The following SCAMP1 variants were observed in gnomAD, a reference collection of about 807,000 sequenced individuals.
SCAMP1 encodes secretory carrier-associated membrane protein 1.
A neutral mutation model predicts 41.8 loss-of-function variants in SCAMP1; 15 were observed. The ratio of observed to expected loss-of-function variants is 0.36; its 90% CI spans 0.24 to 0.55. The LOEUF (loss-of-function observed/expected upper bound fraction) is 0.55. Ranked by LOEUF, SCAMP1 falls within the 20% of genes least tolerant of loss-of-function variation. The pLI, the probability that SCAMP1 is intolerant of heterozygous loss-of-function variation, is 0.86. For missense variants in SCAMP1, 341 were observed against 412.6 expected (o/e 0.83, Z 1.50); for synonymous variants, 135 against 136.8 (o/e 0.99, Z 0.09).
chr5:78,376,458 G>T (rs1751067868), intron 1 of SCAMP1, among the ~76,000 whole-genome samples: 1 of 152,128 alleles, frequency 6.6e-6, no homozygotes, highest in Admixed American at 6.6e-5. Flanking sequence ...CACACTGTAG[G>T]ATGTGTGTGA....
intron 1 of SCAMP1, among the ~76,000 whole-genome samples, chr5:78,366,471 T>C (rs1002648404): frequency 9.2e-5 from 14 of 152,230 alleles, no homozygotes; most frequent in Non-Finnish European, 1.5e-4. Context: ...ATAGGGATAT[T>C]AATCCCATTC....
At chr5:78,442,293 CAG>C (rs1392865343) in intron 6 of SCAMP1, among the ~76,000 whole-genome samples, 1 of 152,142 alleles carries the variant, frequency 6.6e-6, no homozygotes, top group African/African-American at 2.4e-5. Flanking sequence ...TGTTTTGAGA[CAG>C]AGTCTTTCTC....
Position 78,464,843 on chromosome 5 carries a change from A to T in SCAMP1, c.852+5481A>T, listed in dbSNP as rs140977004. ...CCATTTTGTCCTCTCGGAGAATCACAGATTGGGATTATAGTGGTGGTGGGA... is the reference window on the plus strand; with the variant it reads ...CCATTTTGTCCTCTCGGAGAATCACTGATTGGGATTATAGTGGTGGTGGGA... On this transcript the variant is annotated intron_variant, in intron 8 of 8. Coordinates refer to ENST00000621999, the MANE Select transcript of SCAMP1 (RefSeq NM_004866.6). Among the ~76,000 whole-genome samples the T allele has an allele frequency of 4.4e-4, 67 of 152,290 alleles. 1 individual carries two copies. Among genetic ancestry groups the T allele is most frequent in the African/African-American group, 1.6e-3 (65 of 41,566 alleles).
At chr5:78,407,627 GTTT>G (rs66524275) in intron 2 of SCAMP1, among the ~76,000 whole-genome samples, 120 of 145,988 alleles carry the variant, frequency 8.2e-4, no homozygotes, top group Middle Eastern at 3.5e-3. Flanking sequence ...CCCTTATCCT[GTTT>G]TTTTTTTTTT....
intron 5 of SCAMP1, among the ~76,000 whole-genome samples, chr5:78,419,994 A>G (rs1339478364): frequency 6.6e-6 from 1 of 152,166 alleles, no homozygotes; most frequent in Non-Finnish European, 1.5e-5. Flanking sequence ...TATTTAATCA[A>G]TATAATATAT....
chr5:78,474,378 C>T (rs1753954921), intron 8 of SCAMP1, among the ~76,000 whole-genome samples: 1 of 152,168 alleles, frequency 6.6e-6, no homozygotes, highest in Admixed American at 6.5e-5. Context: ...CAAACCTTTA[C>T]CTGCCTGCTG....
intron 3 of SCAMP1, among the ~76,000 whole-genome samples, chr5:78,416,056 AT>A (rs1382173666): frequency 6.6e-6 from 1 of 152,224 alleles, no homozygotes; most frequent in Non-Finnish European, 1.5e-5. Context: ...GTTATAAAGA[AT>A]TTCTTAATCA....
At position 78,380,120 on chromosome 5, in the gene SCAMP1, A is replaced by G. The variant is rs190184195; in HGVS notation, c.58-8717A>G. Among the ~76,000 whole-genome samples the G allele has an allele frequency of 3.4e-3, 513 of 152,272 alleles. 2 individuals carry two copies. The highest frequency in any genetic ancestry group is 8.5e-3 in the South Asian group (41 of 4,820). On this transcript the variant is annotated intron_variant, in intron 1 of 8. Transcript: ENST00000621999. ...TTCACTCAGCCCATAGCACTTTTAT[A>G]TCTCCTTATACCATTTTACAACTGC...
chr5:78,474,057 CTT>C (rs1252993699), intron 8 of SCAMP1, among the ~76,000 whole-genome samples: 8 of 149,144 alleles, frequency 5.4e-5, no homozygotes, highest in African/African-American at 2.0e-4. Context: ...TCTGGAGTCT[CTT>C]TAAAAAAAAA....
At chr5:78,362,854 A>G (rs1489476700) in intron 1 of SCAMP1, among the ~76,000 whole-genome samples, 1 of 151,542 alleles carries the variant, frequency 6.6e-6, no homozygotes, top group East Asian at 1.9e-4. Context: ...AAATGTTTCT[A>G]GAATCATTTG....
intron 1 of SCAMP1, among the ~76,000 whole-genome samples, chr5:78,371,428 T>C (rs75776578): frequency 0.01 from 1,572 of 152,300 alleles, 34 homozygotes; most frequent in African/African-American, 0.036. Context: ...TCAGTCCCCA[T>C]TGAATGATCT....
intron 2 of SCAMP1, among the ~76,000 whole-genome samples, chr5:78,402,190 A>G (rs963467558): frequency 1.4e-5 from 2 of 143,288 alleles, no homozygotes; most frequent in South Asian, 2.3e-4. Context: ...AGTAAATACT[A>G]TATTTGTTTT....
At chr5:78,375,398 T>C (rs1455087537) in intron 1 of SCAMP1, among the ~76,000 whole-genome samples, 3 of 152,168 alleles carry the variant, frequency 2.0e-5, no homozygotes, top group Non-Finnish European at 4.4e-5. Context: ...TCTAAGTCAG[T>C]ATTCTCAGCA....
At chr5:78,461,081 C>G (rs1006408962) in intron 8 of SCAMP1, among the ~76,000 whole-genome samples, 4 of 152,042 alleles carry the variant, frequency 2.6e-5, no homozygotes, top group African/African-American at 7.2e-5. Context: ...GCCTTGAACT[C>G]CAGACCTCAA....
intron 1 of SCAMP1, among the ~76,000 whole-genome samples, chr5:78,372,797 A>G (rs1336410827): frequency 1.3e-5 from 2 of 152,308 alleles, no homozygotes; most frequent in Non-Finnish European, 2.9e-5. Context: ...TTGAAAGTTA[A>G]TAAAAAATCA....
intron 6 of SCAMP1, among the ~76,000 whole-genome samples, chr5:78,444,000 T>G (rs1299808413): frequency 6.6e-6 from 1 of 152,130 alleles, no homozygotes; most frequent in African/African-American, 2.4e-5. Flanking sequence ...ATTTAGAATT[T>G]TCGAATCTTC....
rs571269550 is a variant in SCAMP1, at chr5:78,370,697, A to G, written c.57+9969A>G. The G allele has an allele frequency of 2.0e-5, 3 of 152,294 alleles. No homozygotes were observed. In the South Asian group the frequency reaches 6.2e-4, roughly 32 times the overall value. 9.4% of individuals were successfully genotyped at this position (152,294 alleles called of 1,614,324 possible). A position where few individuals can be genotyped will look rare whatever the true frequency, so the allele number is the denominator to read the frequency against. ...TAAATTCTTTTGGGGATATATACCTACAAGTGGAATTGCCTAGTCATATGG... is the reference window on the plus strand; with the variant it reads ...TAAATTCTTTTGGGGATATATACCTGCAAGTGGAATTGCCTAGTCATATGG... On this transcript the variant is annotated intron_variant, in intron 1 of 8. Transcript: ENST00000621999.
At chr5:78,391,258 C>T (rs1203042298) in intron 2 of SCAMP1, among the ~76,000 whole-genome samples, 50 of 150,902 alleles carry the variant, frequency 3.3e-4, no homozygotes, top group East Asian at 1.6e-3. Flanking sequence ...ACCTCCCGGA[C>T]GGGGCAGCTG....
chr5:78,361,980 T>C (rs1435112774), intron 1 of SCAMP1, among the ~76,000 whole-genome samples: 1 of 152,266 alleles, frequency 6.6e-6, no homozygotes, highest in Non-Finnish European at 1.5e-5. Context: ...ACTCACTTTG[T>C]AGCAGTGTAG....
Sources: allele counts gnomAD v4.1 joint callset (sites outside exome capture counted in the v4.1 genomes callset), GRCh38; gene constraint gnomAD v4.1.1; transcripts MANE v1.5; gene names NCBI Gene and HGNC (gene_info 2026-07-23, HGNC 2026-07-21).